The following UBE4A variants were observed in gnomAD, a reference collection of about 807,000 sequenced individuals.
UBE4A encodes ubiquitination factor E4A, also known as ubiquitin conjugation factor E4 A.
Under a neutral mutation model 117.9 loss-of-function variants are expected in UBE4A, and 48 were observed. The ratio of observed to expected loss-of-function variants is 0.41; its 90% CI spans 0.32 to 0.52. The LOEUF is 0.52. Among genes scored for constraint, UBE4A ranks in the 20% least tolerant of loss-of-function variants. UBE4A has a pLI of 0.33. For missense variants in UBE4A, 1,067 were observed against 1,296.3 expected (o/e 0.82, Z 2.72); for synonymous variants, 407 against 450.0 (o/e 0.90, Z 1.21).
At chr11:118,386,346 A>G (rs1948757924) in intron 15 of UBE4A, 92 bp from the exon 16 acceptor site, 1 of 1,401,876 alleles carries the variant, frequency 7.1e-7, no homozygotes, top group Admixed American at 2.7e-5. Context: ...TTCCCAGCTT[A>G]GTTGACTGGA....
chr11:118,362,551 T>C (rs945228865), intron 1 of UBE4A, among the ~76,000 whole-genome samples: 1 of 152,234 alleles, frequency 6.6e-6, no homozygotes, highest in Non-Finnish European at 1.5e-5. Flanking sequence ...AGTTGTGTTT[T>C]AAAAAACATC....
At position 118,365,191 on chromosome 11, in the gene UBE4A, G is replaced by C. The variant is rs982468674; in HGVS notation, c.111G>C (p.Lys37Asn). 6.2e-7 allele frequency: 1 copy of C among 1,608,908 alleles called. No homozygotes were observed. The highest frequency in any genetic ancestry group is 1.3e-5 in the African/African-American group (1 of 74,720). The change falls in exon 2 of 20, where the codon AAG becomes AAC. Residue 37 changes from lysine (K) to asparagine (N), a missense_variant. Around this residue, in one of 3 missense-constraint regions of UBE4A, gnomAD observed 1,001 missense variants for 1,184.0 expected, o/e 0.85. Transcript: ENST00000252108. Reference protein sequence around the residue: ...QFAAIQKEQLKQQSDELPASP... With the variant: ...QFAAIQKEQLNQQSDELPASP... ...CGGCAATCCAAAAAGAGCAGCTGAAGCAACAATCTGGTAAGTGGAGGAGCC... is the reference window on the plus strand; with the variant it reads ...CGGCAATCCAAAAAGAGCAGCTGAACCAACAATCTGGTAAGTGGAGGAGCC...
At chr11:118,393,638 A>G (rs140967993) in intron 19 of UBE4A, among the ~76,000 whole-genome samples, 6,510 of 151,398 alleles carry the variant, frequency 0.043, 194 homozygotes, top group African/African-American at 0.085. Flanking sequence ...CTCTGTCACC[A>G]AGGCTAGAGT....
intron 7 of UBE4A, 54 bp downstream of exon 7, chr11:118,373,342 G>T: frequency 6.3e-7 from 1 of 1,586,326 alleles, no homozygotes; most frequent in Non-Finnish European, 8.6e-7. Context: ...AATACATGAT[G>T]CTTCCCTATC....
chr11:118,361,220 A>T (rs1238750760), intron 1 of UBE4A, among the ~76,000 whole-genome samples: 1 of 152,056 alleles, frequency 6.6e-6, no homozygotes, highest in Non-Finnish European at 1.5e-5. Flanking sequence ...GGGTTTCACC[A>T]CATTGGCCAG....
In UBE4A at chr11:118,365,107, C is replaced by T. The variant is rs765398988; in HGVS notation, c.27C>T (p.Asn9=). The part of the protein sequence containing the change: MTDQENNN[N]ISSNPFAALF... ...TGACAGACCAGGAGAATAACAACAA[C>T]ATCTCAAGTAACCCCTTTGCTGCTC... Residue 9 remains asparagine (N), a synonymous_variant, in exon 2 of 20, where the codon AAC becomes AAT. Coordinates refer to ENST00000252108, the MANE Select transcript of UBE4A (RefSeq NM_001204077.2). The T allele has an allele frequency of 5.0e-5, 80 of 1,613,856 alleles. 2 individuals are homozygous for T. The South Asian group carries it at 8.6e-4, about 17-fold the overall frequency.
intron 15 of UBE4A, 99 bp downstream of exon 15, chr11:118,385,044 A>G: frequency 9.2e-7 from 1 of 1,086,424 alleles, no homozygotes; most frequent in Non-Finnish European, 1.3e-6. Context: ...AGCAGTCCTT[A>G]TGCCCCTAGT....
At chr11:118,366,189 A>AT (rs958980542) in intron 2 of UBE4A, among the ~76,000 whole-genome samples, 5 of 151,958 alleles carry the variant, frequency 3.3e-5, no homozygotes, top group South Asian at 2.1e-4. Flanking sequence ...ATCAATGTTG[A>AT]TTTTTTTTAA....
chr11:118,393,543 A>ACT (rs1948839483), intron 19 of UBE4A, among the ~76,000 whole-genome samples: 3 of 151,306 alleles, frequency 2.0e-5, no homozygotes, highest in Non-Finnish European at 4.4e-5. Flanking sequence ...AAGCGATCCA[A>ACT]CCGCCTCAGC....
At position 118,369,523 on chromosome 11, in the gene UBE4A, C is replaced by G. The variant is rs777643149; in HGVS notation, c.396C>G (p.Ser132Arg). 1.9e-6 allele frequency: 3 copies of G among 1,613,566 alleles called. No individual in the cohort carries two copies. The highest frequency in any genetic ancestry group is 2.5e-6 in the Non-Finnish European group (3 of 1,179,546). ...AAGATCAAGACTGGCTTGATATGAG[C>G]AATGTTGAGCAGGTAATATTCTTAC... ...ELEDQDWLDMSNVEQALFARL... is the reference protein window; with the variant it reads ...ELEDQDWLDMRNVEQALFARL... Residue 132 changes from serine to arginine, a missense_variant, in exon 4 of 20, where the codon AGC becomes AGG. Coordinates refer to ENST00000252108, the MANE Select transcript of UBE4A (RefSeq NM_001204077.2).
intron 9 of UBE4A, 38 bp downstream of exon 9, chr11:118,375,267 T>C (rs1948641834): frequency 6.5e-7 from 1 of 1,534,952 alleles, no homozygotes; most frequent in Non-Finnish European, 8.8e-7. Flanking sequence ...TGTGTGTGTG[T>C]GTGTGTGTAA....
chr11:118,366,058 A>AT (rs1271373717), intron 2 of UBE4A, among the ~76,000 whole-genome samples: 1 of 138,346 alleles, frequency 7.2e-6, no homozygotes, highest in South Asian at 2.9e-4. Flanking sequence ...TATTTTGTTT[A>AT]TTTAAAAAAA....
At chr11:118,375,436 C>T (rs1394876632) in intron 9 of UBE4A, among the ~76,000 whole-genome samples, 2 of 152,052 alleles carry the variant, frequency 1.3e-5, no homozygotes, top group Non-Finnish European at 2.9e-5. Flanking sequence ...CTTGGCTCAC[C>T]GCAATCTCTG....
rs562971477 is a variant in UBE4A at position 118,384,912 on chromosome 11, T to C, written c.2379T>C (p.Asn793=). The C allele has an allele frequency of 1.3e-6, 2 of 1,599,926 alleles. No homozygotes were observed. Among genetic ancestry groups the C allele is most frequent in the East Asian group, 2.2e-5 (1 of 44,512 alleles). Reference sequence around the variant, plus strand: ...TCCGCTTTCTTAACCTGCTAATGAATGATGCCATCTTCCTTTTGGATGAAG... The same window carrying C: ...TCCGCTTTCTTAACCTGCTAATGAACGATGCCATCTTCCTTTTGGATGAAG... The part of the protein sequence containing the change: ...LFLRFLNLLM[N]DAIFLLDEAI... The change falls in exon 15 of 20, where the codon AAT becomes AAC. Residue 793 remains asparagine (N), a synonymous_variant. Transcript: ENST00000252108.
chr11:118,388,178 TTGACTATATATTGAGGGCATCTGTGATAA>T (rs1222877277), intron 16 of UBE4A, among the ~76,000 whole-genome samples: 5 of 152,184 alleles, frequency 3.3e-5, no homozygotes, highest in Non-Finnish European at 5.9e-5. Context: ...AAGCAAAAAT[TTGACTATATATTGAGGGCATCTGTGATAA>T]TGACTAAAAC....
In UBE4A at chr11:118,373,278, A is replaced by T; in HGVS notation, c.914A>T (p.Asp305Val). 6.2e-7 allele frequency: 1 copy of T among 1,612,346 alleles called. No individual in the cohort carries two copies. Among genetic ancestry groups the T allele is most frequent in the Non-Finnish European group, 8.5e-7 (1 of 1,179,838 alleles). The change falls in exon 7 of 20, where the codon GAT (aspartate) becomes GTT (valine). Residue 305 changes from aspartate (D) to valine (V), a missense_variant. Around this residue, in one of 3 missense-constraint regions of UBE4A, gnomAD observed 1,001 missense variants for 1,184.0 expected, o/e 0.85. Coordinates refer to ENST00000252108, the MANE Select transcript of UBE4A (RefSeq NM_001204077.2). ...CTTCTCTATTTCACTAGGCAAAAAG[A>T]TATGGCAAAGGTAGGTCTGAAAGAT... ...DILLYFTRQK[D>V]MAKVFVEYIQ...
rs1326553989 is a variant in UBE4A, at chr11:118,373,240, A to C, written c.876A>C (p.Ala292=). Residue 292 remains alanine (A), a synonymous_variant, in exon 7 of 20, where the codon GCA becomes GCC. Transcript: ENST00000252108. ...DLELCQILLY[A]YLDILLYFTR... Reference sequence around the variant, plus strand: ...AGCTCTGTCAGATCCTTTTGTATGCATATCTGGATATTCTTCTCTATTTCA... The same window carrying C: ...AGCTCTGTCAGATCCTTTTGTATGCCTATCTGGATATTCTTCTCTATTTCA... The C allele has an allele frequency of 6.2e-7, 1 of 1,613,448 alleles. No individual in the cohort carries two copies. Among genetic ancestry groups the C allele is most frequent in the African/African-American group, 1.3e-5 (1 of 75,032 alleles).
In UBE4A at chr11:118,372,654, A is replaced by G. The variant is rs1376202615; in HGVS notation, c.709A>G (p.Ile237Val). Residue 237 changes from isoleucine to valine, a missense_variant, in exon 6 of 20, where the codon ATC becomes GTC. By Grantham distance (29) the Ile-to-Val change is conservative. Transcript: ENST00000252108. ...ACTGGTAGATTTGATGTTAGAAGCC[A>G]TCCAGGGAGCCCGTGAGTACATGAA... The part of the protein sequence containing the change: ...EQLVDLMLEA[I>V]QGAHFEDVTE... The G allele has an allele frequency of 2.5e-6, 4 of 1,613,984 alleles. No homozygotes were observed. Among genetic ancestry groups the G allele is most frequent in the Non-Finnish European group, 3.4e-6 (4 of 1,180,018 alleles).
At position 118,373,260 on chromosome 11, in the gene UBE4A, A is replaced by G. The variant is rs1948624105; in HGVS notation, c.896A>G (p.Tyr299Cys). The change falls in exon 7 of 20, where the codon TAT becomes TGT. Residue 299 changes from tyrosine to cysteine, a missense_variant. By Grantham distance (194) the Tyr-to-Cys change is radical. Coordinates refer to ENST00000252108, the MANE Select transcript of UBE4A (RefSeq NM_001204077.2). ...TATGCATATCTGGATATTCTTCTCT[A>G]TTTCACTAGGCAAAAAGATATGGCA... ...LLYAYLDILL[Y>C]FTRQKDMAKV... 1.2e-6 allele frequency: 2 copies of G among 1,612,914 alleles called. No homozygotes were observed. Among genetic ancestry groups the G allele is most frequent in the Non-Finnish European group, 1.7e-6 (2 of 1,179,938 alleles).
Sources: allele counts gnomAD v4.1 joint callset (sites outside exome capture counted in the v4.1 genomes callset), GRCh38; gene constraint gnomAD v4.1.1; regional missense constraint gnomAD v4.1.1; transcripts MANE v1.5; gene names NCBI Gene and HGNC (gene_info 2026-07-23, HGNC 2026-07-21).